The following ADAMTSL1 variants were observed in gnomAD, a reference collection of about 807,000 sequenced individuals.
ADAMTSL1 encodes the protein ADAMTS like 1.
Under a neutral mutation model 201.8 loss-of-function variants are expected in ADAMTSL1, and 126 were observed. The observed-to-expected ratio is 0.62, with a 90% CI of 0.54 to 0.72. ADAMTSL1 has a LOEUF of 0.72. ADAMTSL1 is among the 30% of genes least tolerant of loss of function. ADAMTSL1 has a pLI of 0.00. For synonymous variants in ADAMTSL1, 1,121 were observed against 903.4 expected, an observed-to-expected ratio of 1.24 and a Z score of -4.32; for missense variants, 2,679 against 2,277.8, an observed-to-expected ratio of 1.18 and a Z score of -3.59.
At chr9:17,921,045 T>G (rs192350848) in intron 1 of ADAMTSL1, among the ~76,000 whole-genome samples, 2 of 152,334 alleles carry the variant, frequency 1.3e-5, no homozygotes, top group Admixed American at 1.3e-4. Flanking sequence ...TTTTCATATA[T>G]CCTCAATAAT....
intron 13 of ADAMTSL1, among the ~76,000 whole-genome samples, chr9:18,694,018 G>C (rs1325320427): frequency 6.6e-6 from 1 of 152,118 alleles, no homozygotes; most frequent in Non-Finnish European, 1.5e-5. Context: ...TTATAATCAT[G>C]GCAGAAGGAG....
intron 5 of ADAMTSL1, among the ~76,000 whole-genome samples, chr9:18,631,249 C>G (rs533480328): frequency 1.3e-5 from 2 of 152,154 alleles, no homozygotes; most frequent in African/African-American, 4.8e-5. Context: ...GGATGAAGTT[C>G]TCCAGATGGG....
chr9:18,815,537 A>G (rs1823782408), intron 20 of ADAMTSL1, among the ~76,000 whole-genome samples: 1 of 151,262 alleles, frequency 6.6e-6, no homozygotes, highest in Non-Finnish European at 1.5e-5. Context: ...AAAAAATACA[A>G]AAAATACAAA....
intron 1 of ADAMTSL1, among the ~76,000 whole-genome samples, chr9:18,083,441 T>C (rs1823603810): frequency 6.6e-6 from 1 of 152,236 alleles, no homozygotes. Flanking sequence ...TGGATAAAAA[T>C]GCCCACATGA....
At chr9:18,864,523 G>A (rs574552847) in intron 23 of ADAMTSL1, among the ~76,000 whole-genome samples, 42 of 152,250 alleles carry the variant, frequency 2.8e-4, no homozygotes, top group African/African-American at 9.6e-4. Flanking sequence ...CCCTTGTATT[G>A]TGAATTCAGA....
intron 1 of ADAMTSL1, among the ~76,000 whole-genome samples, chr9:18,134,975 T>C (rs1253486380): frequency 6.6e-6 from 1 of 152,168 alleles, no homozygotes; most frequent in African/African-American, 2.4e-5. Context: ...TCTGGGTAAT[T>C]ACACTGGTCT....
chr9:18,027,250 G>C (rs1820740395), intron 1 of ADAMTSL1, among the ~76,000 whole-genome samples: 1 of 151,494 alleles, frequency 6.6e-6, no homozygotes, highest in African/African-American at 2.4e-5. Flanking sequence ...CCTTTCTTCT[G>C]CTAGCTTGGG....
At chr9:18,121,248 C>G (rs764589105) in intron 1 of ADAMTSL1, among the ~76,000 whole-genome samples, 1 of 152,114 alleles carries the variant, frequency 6.6e-6, no homozygotes, top group Non-Finnish European at 1.5e-5. Flanking sequence ...AAAGAGAAAG[C>G]TGTGTGTAAA....
intron 4 of ADAMTSL1, among the ~76,000 whole-genome samples, chr9:18,604,901 C>T (rs774285769): frequency 2.6e-5 from 4 of 152,202 alleles, no homozygotes; most frequent in Non-Finnish European, 5.9e-5. Context: ...CATGCCTACT[C>T]TTAGTTTATG....
intron 1 of ADAMTSL1, among the ~76,000 whole-genome samples, chr9:17,993,421 A>T (rs1819243201): frequency 6.6e-6 from 1 of 151,932 alleles, no homozygotes; most frequent in South Asian, 2.1e-4. Flanking sequence ...CATGCCTTTC[A>T]GTTTGTCTAC....
intron 1 of ADAMTSL1, among the ~76,000 whole-genome samples, chr9:18,037,529 A>G (rs1045191050): frequency 1.3e-5 from 2 of 152,134 alleles, no homozygotes; most frequent in African/African-American, 4.8e-5. Context: ...GTAGTATATT[A>G]AATAAGTGTT....
At chr9:17,999,738 A>G (rs945018775) in intron 1 of ADAMTSL1, among the ~76,000 whole-genome samples, 30 of 149,900 alleles carry the variant, frequency 2.0e-4, no homozygotes, top group Admixed American at 5.3e-4. Flanking sequence ...GTATCTCCCA[A>G]TGCTATCCCT....
At chr9:18,853,369 T>C (rs1237118938) in intron 23 of ADAMTSL1, among the ~76,000 whole-genome samples, 1 of 152,070 alleles carries the variant, frequency 6.6e-6, no homozygotes, top group Non-Finnish European at 1.5e-5. Flanking sequence ...TTTTCAAGGA[T>C]AGTTTGGTGG....
At position 18,574,230 on chromosome 9, in the gene ADAMTSL1, A is replaced by G. The variant is rs764467003; in HGVS notation, c.438A>G (p.Thr146=). 2.5e-6 allele frequency: 4 copies of G among 1,614,206 alleles called. No homozygotes were observed. The highest frequency in any genetic ancestry group is 3.4e-6 in the Non-Finnish European group (4 of 1,180,018). Residue 146 remains threonine (T), a synonymous_variant, in exon 4 of 29, where the codon ACA becomes ACG. Coordinates refer to ENST00000380548, the MANE Select transcript of ADAMTSL1 (RefSeq NM_001040272.6). ...PKVLDGTRCY[T]ESLDMCISGL... ...TCTTAGATGGTACGCGTTGCTATAC[A>G]GAATCTTTGGATATGTGCATCAGTG...
At chr9:18,483,563 C>A (rs925415707) in intron 1 of ADAMTSL1, among the ~76,000 whole-genome samples, 3 of 152,192 alleles carry the variant, frequency 2.0e-5, no homozygotes, top group African/African-American at 7.2e-5. Context: ...CGCGCTGGCT[C>A]ACACCTGTAA....
intron 1 of ADAMTSL1, among the ~76,000 whole-genome samples, chr9:18,047,149 A>G (rs1046962552): frequency 3.3e-5 from 5 of 152,174 alleles, no homozygotes; most frequent in African/African-American, 9.7e-5. Flanking sequence ...TAGAAAGAAG[A>G]TGGAAACTAC....
chr9:18,638,220 A>T (rs990233107), intron 6 of ADAMTSL1, among the ~76,000 whole-genome samples: 1 of 152,054 alleles, frequency 6.6e-6, no homozygotes, highest in African/African-American at 2.4e-5. Context: ...CCACTTGTTG[A>T]TATTCTTTGC....
At chr9:18,621,196 T>C (rs979688952) in intron 4 of ADAMTSL1, among the ~76,000 whole-genome samples, 6 of 152,334 alleles carry the variant, frequency 3.9e-5, no homozygotes, top group African/African-American at 1.2e-4. Context: ...ACTAGAACTG[T>C]AAGCCATACA....
At chr9:18,745,501 A>G (rs867581748) in intron 15 of ADAMTSL1, among the ~76,000 whole-genome samples, 1 of 152,060 alleles carries the variant, frequency 6.6e-6, no homozygotes, top group Non-Finnish European at 1.5e-5. Context: ...TATTCTCCCA[A>G]TTCCTGCCCA....
Sources: allele counts gnomAD v4.1 joint callset (sites outside exome capture counted in the v4.1 genomes callset), GRCh38; gene constraint gnomAD v4.1.1; transcripts MANE v1.5; gene names NCBI Gene and HGNC (gene_info 2026-07-23, HGNC 2026-07-21).